The following TAFA1 variants were observed in gnomAD, a reference collection of about 807,000 sequenced individuals.
The protein encoded by TAFA1 is TAFA chemokine like family member 1.
In TAFA1, 4 loss-of-function variants were observed where a neutral mutation model predicts 18.5. That is an observed-to-expected ratio of 0.22 (90% CI 0.11 to 0.49). The LOEUF is 0.49. TAFA1 is among the 20% of genes least tolerant of loss of function. The pLI is 0.98. For missense variants in TAFA1, 147 were observed against 169.0 expected (o/e 0.87, Z 0.72); for synonymous variants, 56 against 55.2 (o/e 1.01, Z -0.06).
intron 2 of TAFA1, among the ~76,000 whole-genome samples, chr3:68,336,753 T>C (rs994671101): frequency 3.3e-5 from 5 of 152,198 alleles, no homozygotes; most frequent in Non-Finnish European, 7.3e-5. Context: ...GAGATGGAGT[T>C]TTGATCTGTC....
chr3:68,438,390 C>G (rs2071303553), intron 3 of TAFA1, among the ~76,000 whole-genome samples: 1 of 152,118 alleles, frequency 6.6e-6, no homozygotes. Context: ...AGAATAGTCT[C>G]CTCTGGCTCC....
At chr3:68,433,178 C>T (rs1006638840) in intron 3 of TAFA1, among the ~76,000 whole-genome samples, 10 of 152,056 alleles carry the variant, frequency 6.6e-5, no homozygotes, top group Non-Finnish European at 1.3e-4. Flanking sequence ...TTTGCATTTA[C>T]TCTTTATTCA....
At chr3:68,249,316 A>G (rs1016006167) in intron 2 of TAFA1, among the ~76,000 whole-genome samples, 2 of 152,124 alleles carry the variant, frequency 1.3e-5, no homozygotes, top group African/African-American at 2.4e-5. Flanking sequence ...TACCATGTCA[A>G]GATCACTTTG....
At chr3:68,422,447 A>G (rs1189690667) in intron 3 of TAFA1, among the ~76,000 whole-genome samples, 1 of 152,080 alleles carries the variant, frequency 6.6e-6, no homozygotes. Context: ...AAGTGTTCCA[A>G]TTGCTCTTAT....
chr3:68,196,684 T>C (rs1391061748), intron 2 of TAFA1, among the ~76,000 whole-genome samples: 2 of 151,774 alleles, frequency 1.3e-5, no homozygotes, highest in African/African-American at 4.8e-5. Context: ...CAAACTGCTG[T>C]TGTTAGTGCT....
chr3:68,505,911 T>C (rs1427646492), intron 3 of TAFA1, among the ~76,000 whole-genome samples: 1 of 151,462 alleles, frequency 6.6e-6, no homozygotes, highest in African/African-American at 2.4e-5. Context: ...TATTATACTT[T>C]AAGTTCTGGG....
At chr3:68,078,346 T>C (rs1374641511) in intron 2 of TAFA1, among the ~76,000 whole-genome samples, 3 of 151,982 alleles carry the variant, frequency 2.0e-5, no homozygotes, top group African/African-American at 7.2e-5. Context: ...TCCAACACTA[T>C]GTTGAATAGG....
At chr3:68,119,572 G>T (rs200813220) in intron 2 of TAFA1, among the ~76,000 whole-genome samples, 29 of 126,818 alleles carry the variant, frequency 2.3e-4, no homozygotes, top group Admixed American at 2.2e-3. Context: ...GTCCAACTTC[G>T]TTTTTTTTTT....
chr3:68,226,134 C>T (rs1011995449), intron 2 of TAFA1, among the ~76,000 whole-genome samples: 7 of 152,164 alleles, frequency 4.6e-5, no homozygotes, highest in Admixed American at 1.3e-4. Flanking sequence ...TTTTCTCAGT[C>T]TCAAGGGTCT....
chr3:68,354,309 T>C (rs1225871810), intron 2 of TAFA1, among the ~76,000 whole-genome samples: 10 of 152,042 alleles, frequency 6.6e-5, no homozygotes, highest in Non-Finnish European at 1.3e-4. Context: ...TCAGGTGATC[T>C]GATGTGGATT....
chr3:68,315,579 A>G (rs972657364), intron 2 of TAFA1, among the ~76,000 whole-genome samples: 25 of 152,160 alleles, frequency 1.6e-4, no homozygotes, highest in Admixed American at 6.6e-4. Flanking sequence ...TTCCTTATAT[A>G]GTTCTTTATA....
chr3:68,531,470 T>C (rs932298417), intron 3 of TAFA1, among the ~76,000 whole-genome samples: 13 of 152,134 alleles, frequency 8.5e-5, no homozygotes, highest in African/African-American at 3.1e-4. Context: ...TGGGTGGTTG[T>C]GTCCCATCTC....
intron 2 of TAFA1, among the ~76,000 whole-genome samples, chr3:68,057,031 A>G (rs1432902590): frequency 6.6e-6 from 1 of 152,178 alleles, no homozygotes; most frequent in African/African-American, 2.4e-5. Flanking sequence ...GGGAAAAGCT[A>G]CAATTCTGCC....
chr3:68,252,155 C>T (rs1402718407), intron 2 of TAFA1, among the ~76,000 whole-genome samples: 2 of 152,142 alleles, frequency 1.3e-5, no homozygotes, highest in Non-Finnish European at 2.9e-5. Context: ...CAGCAAATCT[C>T]CCTCTCCAGT....
intron 2 of TAFA1, among the ~76,000 whole-genome samples, chr3:68,177,935 C>G (rs7609573): frequency 0.92 from 139,719 of 152,196 alleles, 64,449 homozygotes; most frequent in South Asian, 0.97. Context: ...ACAAGGTCAG[C>G]AGATCGAGAC....
At chr3:68,501,908 A>G (rs1223052540) in intron 3 of TAFA1, among the ~76,000 whole-genome samples, 1 of 152,164 alleles carries the variant, frequency 6.6e-6, no homozygotes, top group Non-Finnish European at 1.5e-5. Flanking sequence ...ATGCATAGGA[A>G]AAGCAGGTGC....
intron 2 of TAFA1, among the ~76,000 whole-genome samples, chr3:68,402,072 T>C (rs2070504637): frequency 6.6e-6 from 1 of 152,236 alleles, no homozygotes; most frequent in South Asian, 2.1e-4. Context: ...GTCAAGAATT[T>C]AGCCAGCCTG....
intron 2 of TAFA1, among the ~76,000 whole-genome samples, chr3:68,128,461 C>T (rs1025622291): frequency 6.6e-6 from 1 of 152,164 alleles, no homozygotes; most frequent in African/African-American, 2.4e-5. Flanking sequence ...GGACTATGAA[C>T]AAGCTGATGT....
At chr3:68,358,289 T>C (rs528973285) in intron 2 of TAFA1, among the ~76,000 whole-genome samples, 6 of 152,098 alleles carry the variant, frequency 3.9e-5, no homozygotes, top group African/African-American at 7.2e-5. Context: ...GAGATCTTCA[T>C]GTCATCTTAT....
Sources: allele counts gnomAD v4.1 joint callset (sites outside exome capture counted in the v4.1 genomes callset), GRCh38; gene constraint gnomAD v4.1.1; transcripts MANE v1.5; gene names NCBI Gene and HGNC (gene_info 2026-07-23, HGNC 2026-07-21).